FOXA3: variants seen among roughly 807,000 people sequenced by gnomAD.
FOXA3 encodes hepatocyte nuclear factor 3-gamma.
FOXA3 carries 11 observed loss-of-function variants against 16.9 expected under a neutral mutation model. The observed-to-expected ratio is 0.65, with a 90% CI of 0.41 to 1.08. The LOEUF is 1.08. FOXA3 is among the 50% of genes least tolerant of loss of function. The pLI is 0.00. For missense variants in FOXA3, 423 were observed against 470.1 expected, an observed-to-expected ratio of 0.90 and a Z score of 0.93; for synonymous variants, 217 against 203.3, an observed-to-expected ratio of 1.07 and a Z score of -0.57.
At position 45,872,518 on chromosome 19, in the gene FOXA3, C is replaced by T. The variant is rs1227288025; in HGVS notation, c.513C>T (p.Phe171=). ...ACTCCATTCGCCACTCGCTGTCTTT[C>T]AACGACTGCTTCGTCAAGGTGGCGC... is the stretch of plus-strand genomic sequence containing the variant. The part of the protein sequence containing the change: ...WQNSIRHSLS[F]NDCFVKVARS... The change falls in exon 2 of 2, where the codon TTC becomes TTT. Residue 171 remains phenylalanine (F), a synonymous_variant. Coordinates refer to ENST00000302177, the MANE Select transcript of FOXA3 (RefSeq NM_004497.3). The surrounding 1 kb of genome is among the most constrained non-coding windows in gnomAD (Gnocchi z 4.5). 1 of 1,614,058 alleles carries T rather than the reference C, an allele frequency of 6.2e-7. No individual in the cohort carries two copies. Among genetic ancestry groups the T allele is most frequent in the African/African-American group, 1.3e-5 (1 of 74,926 alleles).
rs999972607 is a variant in FOXA3 at position 45,873,134 on chromosome 19, ACACTT to A, written c.*82_*86del. The A allele has an allele frequency of 3.9e-6, 6 of 1,547,578 alleles. No individual in the cohort carries two copies. The African/African-American group carries it at 6.9e-5, about 18-fold the overall frequency. ...CTCTTGGGGCCTGATCCTTCTGGTG[ACACTT>A]CACTTGTCCCATTGGTTAACATCTG... On this transcript the variant is annotated 3_prime_UTR_variant, in exon 2 of 2. Coordinates refer to ENST00000302177, the MANE Select transcript of FOXA3 (RefSeq NM_004497.3).
rs781684132 is a variant in FOXA3, at chr19:45,872,722, G to A, written c.717G>A (p.Ser239=). The change falls in exon 2 of 2, where the codon TCG becomes TCA. Residue 239 remains serine (S), a synonymous_variant. Coordinates refer to ENST00000302177, the MANE Select transcript of FOXA3 (RefSeq NM_004497.3). This position sits in a 1 kb window ranked among gnomAD's most constrained non-coding sequence, Gnocchi z 4.5. The stretch of plus-strand genomic sequence containing the variant: ...GGAACGGGACAGGGTCTGCTGCCTC[G>A]ACCACCACCCCCGCGGCCACAGTCA... ...TTRNGTGSAA[S]TTTPAATVTS... 13 of 1,603,526 alleles carry A rather than the reference G, an allele frequency of 8.1e-6. No homozygotes were observed. The highest frequency in any genetic ancestry group is 1.7e-4 in the Middle Eastern group (1 of 5,996).
Position 45,873,378 on chromosome 19 carries a change from G to T in FOXA3, c.*320G>T. The T allele has an allele frequency of 2.5e-6, 1 of 399,696 alleles. No individual in the cohort carries two copies. The allele number at this position is 399,696 out of a possible 1,614,324, so 24.8% of individuals were successfully genotyped here. ...GGTGTGATGGTGATAGCATTTCAGT[G>T]ACATCTTCTTTGGCCCCCCCCATTA... On this transcript the variant is annotated 3_prime_UTR_variant, in exon 2 of 2. Coordinates refer to ENST00000302177, the MANE Select transcript of FOXA3 (RefSeq NM_004497.3).
chr19:45,872,331 ATCGGCGGCCCCTGGC>A lies in FOXA3; in HGVS notation c.327_341del (p.Tyr109_Ala114delinsTer). The A allele has an allele frequency of 6.2e-7, 1 of 1,614,148 alleles. No homozygotes were observed. The highest frequency in any genetic ancestry group is 8.5e-7 in the Non-Finnish European group (1 of 1,179,986). On this transcript the variant is annotated stop_gained and inframe_deletion, in exon 2 of 2. Coordinates refer to ENST00000302177, the MANE Select transcript of FOXA3 (RefSeq NM_004497.3). LOFTEE classifies it high-confidence loss of function. This position sits in a 1 kb window ranked among gnomAD's most constrained non-coding sequence, Gnocchi z 4.5. ...CACGGGAAGGAGATGCCGAAGGGGT[ATCGGCGGCCCCTGGC>A]ACACGCCAAGCCACCGTATTCCTAT...
At position 45,873,224 on chromosome 19, in the gene FOXA3, G is replaced by C. The variant is rs552614318; in HGVS notation, c.*166G>C. The C allele has an allele frequency of 1.3e-5, 14 of 1,117,936 alleles. No individual in the cohort carries two copies. The South Asian group carries it at 2.2e-4, about 17-fold the overall frequency. 69.3% of individuals were successfully genotyped at this position (1,117,936 alleles called of 1,614,324 possible). A position where few individuals can be genotyped will look rare whatever the true frequency, so the allele number is the denominator to read the frequency against. ...TCAGTGGGCATGGTGTTGATCCACG[G>C]GGTACTGTGATAACCACCATGGATA... On this transcript the variant is annotated 3_prime_UTR_variant, in exon 2 of 2. Coordinates refer to ENST00000302177, the MANE Select transcript of FOXA3 (RefSeq NM_004497.3).
In FOXA3 at chr19:45,872,252, G is replaced by A. The variant is rs762241021; in HGVS notation, c.247G>A (p.Val83Ile). Residue 83 changes from valine (V) to isoleucine (I), a missense_variant, in exon 2 of 2, where the codon GTC becomes ATC. Around this residue, in one of 3 missense-constraint regions of FOXA3, gnomAD observed 170 missense variants for 153.9 expected, o/e 1.10. Transcript: ENST00000302177. This position sits in a 1 kb window ranked among gnomAD's most constrained non-coding sequence, Gnocchi z 4.5. ...PLGPTFPGLG[V>I]SGGSSSSGYG... Reference sequence around the variant, plus strand: ...GGGGCCCACTTTCCCAGGCCTGGGTGTCAGCGGTGGCAGCAGCAGCTCCGG... The same window carrying A: ...GGGGCCCACTTTCCCAGGCCTGGGTATCAGCGGTGGCAGCAGCAGCTCCGG... 26 of 1,609,878 alleles carry A rather than the reference G, an allele frequency of 1.6e-5. No homozygotes were observed. The highest frequency in any genetic ancestry group is 2.1e-5 in the Non-Finnish European group (25 of 1,176,904).
chr19:45,872,328 G>C lies in FOXA3; in HGVS notation c.323G>C (p.Gly108Ala). Reference sequence around the variant, plus strand: ...GTGCACGGGAAGGAGATGCCGAAGGGGTATCGGCGGCCCCTGGCACACGCC... The same window carrying C: ...GTGCACGGGAAGGAGATGCCGAAGGCGTATCGGCGGCCCCTGGCACACGCC... The part of the protein sequence containing the change: ...GLVHGKEMPK[G>A]YRRPLAHAKP... Residue 108 changes from glycine to alanine, a missense_variant, in exon 2 of 2, where the codon GGG becomes GCG. This residue lies in a region of FOXA3 where 170 missense variants were observed against 153.9 expected (regional missense o/e 1.10). Coordinates refer to ENST00000302177, the MANE Select transcript of FOXA3 (RefSeq NM_004497.3). This position sits in a 1 kb window ranked among gnomAD's most constrained non-coding sequence, Gnocchi z 4.5. 2 of 1,614,120 alleles carry C rather than the reference G, an allele frequency of 1.2e-6. No individual in the cohort carries two copies. The highest frequency in any genetic ancestry group is 1.7e-6 in the Non-Finnish European group (2 of 1,179,982).
chr19:45,872,742 C>T lies in FOXA3; in HGVS notation c.737C>T (p.Thr246Ile). 1 of 1,603,722 alleles carries T rather than the reference C, an allele frequency of 6.2e-7. No homozygotes were observed. ...SAASTTTPAA[T>I]VTSPPQPPPP... ...GCCTCGACCACCACCCCCGCGGCCA[C>T]AGTCACCTCCCCGCCCCAGCCCCCG... Residue 246 changes from threonine to isoleucine, a missense_variant, in exon 2 of 2, where the codon ACA (threonine) becomes ATA (isoleucine). Physicochemically the swap from Thr to Ile is moderately conservative, Grantham distance 89. This residue lies in a region of FOXA3 where 168 missense variants were observed against 179.3 expected (regional missense o/e 0.94). Transcript: ENST00000302177. This position sits in a 1 kb window ranked among gnomAD's most constrained non-coding sequence, Gnocchi z 4.5.
At chr19:45,866,252 A>G (rs1333140133) in intron 1 of FOXA3, among the ~76,000 whole-genome samples, 5 of 152,046 alleles carry the variant, frequency 3.3e-5, no homozygotes, top group Non-Finnish European at 7.4e-5. Flanking sequence ...TCTTTAAAAA[A>G]AAAATTTTTT....
Position 45,873,020 on chromosome 19 carries a change from C to T in FOXA3, c.1015C>T (p.Gln339Ter), listed in dbSNP as rs1209337556. ...AEGGEPGVYY[Q>*]GLYSRSLLNA... ...AGGTGGGGAGCCTGGAGTCTACTAC[C>T]AGGGCCTCTATTCCCGCTCTTTGCT... Residue 339 changes from glutamine to a stop codon, truncating the protein, a stop_gained, in exon 2 of 2, where the codon CAG (glutamine) becomes TAG (stop). Transcript: ENST00000302177. LOFTEE classifies it high-confidence loss of function. 2 of 1,609,618 alleles carry T rather than the reference C, an allele frequency of 1.2e-6. No individual in the cohort carries two copies. The highest frequency in any genetic ancestry group is 1.1e-5 in the South Asian group (1 of 90,366).
At chr19:45,869,934 C>T (rs564592427) in intron 1 of FOXA3, among the ~76,000 whole-genome samples, 3 of 151,704 alleles carry the variant, frequency 2.0e-5, no homozygotes, top group African/African-American at 4.8e-5. Flanking sequence ...TACAGGCGCC[C>T]GCCACCATAC....
At chr19:45,867,006 G>A (rs2146360120) in intron 1 of FOXA3, among the ~76,000 whole-genome samples, 1 of 152,308 alleles carries the variant, frequency 6.6e-6, no homozygotes, top group East Asian at 1.9e-4. Context: ...ACCCTGTCAG[G>A]GGAGATCCGG....
rs1966925855 is a variant in FOXA3, at chr19:45,872,997, G to T, written c.992G>T (p.Gly331Val). 6.2e-7 allele frequency: 1 copy of T among 1,613,160 alleles called. No homozygotes were observed. ...DVGFGGYGAE[G>V]GEPGVYYQGL... is the part of the protein sequence containing the mutation. Reference sequence around the variant, plus strand: ...GGGTTTGGGGGCTACGGGGCTGAAGGTGGGGAGCCTGGAGTCTACTACCAG... The same window carrying T: ...GGGTTTGGGGGCTACGGGGCTGAAGTTGGGGAGCCTGGAGTCTACTACCAG... Residue 331 changes from glycine to valine, a missense_variant, in exon 2 of 2, where the codon GGT becomes GTT. Gly to Val is a moderately radical substitution (Grantham distance 109). This residue lies in a region of FOXA3 where 168 missense variants were observed against 179.3 expected (regional missense o/e 0.94). Coordinates refer to ENST00000302177, the MANE Select transcript of FOXA3 (RefSeq NM_004497.3). The surrounding 1 kb of genome is among the most constrained non-coding windows in gnomAD (Gnocchi z 4.5).
At chr19:45,871,291 T>A (rs980595219) in intron 1 of FOXA3, among the ~76,000 whole-genome samples, 1 of 152,180 alleles carries the variant, frequency 6.6e-6, no homozygotes, top group African/African-American at 2.4e-5. Flanking sequence ...ACTGTTTTTT[T>A]CCATTTTTGC....
intron 1 of FOXA3, among the ~76,000 whole-genome samples, chr19:45,870,451 G>A (rs1047262723): frequency 6.6e-6 from 1 of 152,080 alleles, no homozygotes; most frequent in South Asian, 2.1e-4. Flanking sequence ...GGGATTACAG[G>A]TGTGAGCCAC....
intron 1 of FOXA3, among the ~76,000 whole-genome samples, chr19:45,871,690 C>T (rs902015579): frequency 3.3e-5 from 5 of 151,776 alleles, no homozygotes; most frequent in Admixed American, 6.6e-5. Flanking sequence ...GGTGAGATCA[C>T]GCCACTGCAC....
chr19:45,866,308 G>A (rs1269459677), intron 1 of FOXA3, among the ~76,000 whole-genome samples: 1 of 152,064 alleles, frequency 6.6e-6, no homozygotes, highest in Non-Finnish European at 1.5e-5. Context: ...TTGGTTGGGA[G>A]GCTGAGGTGG....
chr19:45,866,525 C>T (rs959766508), intron 1 of FOXA3, among the ~76,000 whole-genome samples: 16 of 152,264 alleles, frequency 1.1e-4, no homozygotes, highest in Non-Finnish European at 1.3e-4. Context: ...CTGAGGCTCT[C>T]CCCAGCCTTC....
chr19:45,873,092 G>C lies in FOXA3; in HGVS notation c.*34G>C. 1 of 1,562,316 alleles carries C rather than the reference G, an allele frequency of 6.4e-7. No homozygotes were observed. Among genetic ancestry groups the C allele is most frequent in the East Asian group, 2.4e-5 (1 of 42,328 alleles). Reference sequence around the variant, plus strand: ...GGGAACATGGTGGTGGGTATGGCTGGAGCTCACACCACGAAGCTCTTGGGG... The same window carrying C: ...GGGAACATGGTGGTGGGTATGGCTGCAGCTCACACCACGAAGCTCTTGGGG... On this transcript the variant is annotated 3_prime_UTR_variant, in exon 2 of 2. Coordinates refer to ENST00000302177, the MANE Select transcript of FOXA3 (RefSeq NM_004497.3).
Sources: allele counts gnomAD v4.1 joint callset (sites outside exome capture counted in the v4.1 genomes callset), GRCh38; gene constraint gnomAD v4.1.1; regional missense constraint gnomAD v4.1.1; non-coding constraint Gnocchi (gnomAD v3.1); transcripts MANE v1.5; gene names NCBI Gene and HGNC (gene_info 2026-07-23, HGNC 2026-07-21).